The following SPECC1 variants were observed in gnomAD, a reference collection of about 807,000 sequenced individuals.
SPECC1 encodes sperm antigen with calponin homology and coiled-coil domains 1.
SPECC1 carries 62 observed loss-of-function variants against 104.1 expected under a neutral mutation model. That is an observed-to-expected ratio of 0.60 (90% CI 0.49 to 0.74). The LOEUF (loss-of-function observed/expected upper bound fraction) is 0.74. Among genes scored for constraint, SPECC1 ranks in the 30% least tolerant of loss-of-function variants. SPECC1 has a pLI of 0.00. For missense variants in SPECC1, 1,306 were observed against 1,310.5 expected, an observed-to-expected ratio of 1.00 and a Z score of 0.05; for synonymous variants, 513 against 501.6, an observed-to-expected ratio of 1.02 and a Z score of -0.30.
intron 1 of SPECC1, among the ~76,000 whole-genome samples, chr17:20,026,397 A>G (rs2044601426): frequency 6.6e-6 from 1 of 152,144 alleles, no homozygotes; most frequent in African/African-American, 2.4e-5. Flanking sequence ...TACTCGCCCT[A>G]CAGTTCTATA....
chr17:20,024,417 G>C (rs1013670478), intron 1 of SPECC1, among the ~76,000 whole-genome samples: 5 of 152,084 alleles, frequency 3.3e-5, no homozygotes, highest in Non-Finnish European at 7.4e-5. Flanking sequence ...ATTTCAATTG[G>C]AGTTTTCAGT....
At chr17:20,161,548 G>C (rs1326645001) in intron 3 of SPECC1, among the ~76,000 whole-genome samples, 1 of 152,186 alleles carries the variant, frequency 6.6e-6, no homozygotes, top group East Asian at 1.9e-4. Context: ...CAGGTAGTAT[G>C]TTTAGATTTA....
At chr17:20,043,773 A>C (rs1036561706) in intron 1 of SPECC1, among the ~76,000 whole-genome samples, 1 of 152,216 alleles carries the variant, frequency 6.6e-6, no homozygotes, top group Non-Finnish European at 1.5e-5. Flanking sequence ...AATGCAAATA[A>C]ATTTCCAAGG....
chr17:20,310,934 C>A (rs1289978936), intron 14 of SPECC1, among the ~76,000 whole-genome samples: 1 of 151,938 alleles, frequency 6.6e-6, no homozygotes, highest in Non-Finnish European at 1.5e-5. Flanking sequence ...TCATGGAGGT[C>A]CTGCAAGGTG....
chr17:20,205,812 G>C lies in SPECC1; in HGVS notation c.1763G>C (p.Arg588Pro). ...GTTCAAGAAATGTTGAAAGTAGCCC[G>C]AGCAGAGAAAGATCTACTGGAACTG... Reference protein sequence around the residue: ...CEVQEMLKVARAEKDLLELSC... With the variant: ...CEVQEMLKVAPAEKDLLELSC... Residue 588 changes from arginine (R) to proline (P), a missense_variant, in exon 4 of 15, where the codon CGA becomes CCA. Transcript: ENST00000395527. 3 of 1,614,210 alleles carry C rather than the reference G, an allele frequency of 1.9e-6. No individual in the cohort carries two copies. The highest frequency in any genetic ancestry group is 1.1e-5 in the South Asian group (1 of 91,074).
In SPECC1 at chr17:20,174,315, TA is replaced by T; in HGVS notation, c.284-30014del. Among the ~76,000 whole-genome samples, 2 of 152,306 alleles carry T rather than the reference TA, an allele frequency of 1.3e-5. 1 individual carries two copies. Among genetic ancestry groups the T allele is most frequent in the Non-Finnish European group, 2.9e-5 (2 of 68,014 alleles). ...AATTACAATAAAGGTGATTTTTAAA[TA>T]AAATAAATTTTAAAAATTAAATTGA... On this transcript the variant is annotated intron_variant, in intron 3 of 14. Coordinates refer to ENST00000395527, the MANE Select transcript of SPECC1 (RefSeq NM_001243439.2).
Position 20,316,951 on chromosome 17 carries a change from C to A in SPECC1, c.*2886C>A. The A allele has an allele frequency of 4.6e-6, 1 of 216,358 alleles. No individual in the cohort carries two copies. The highest frequency in any genetic ancestry group is 9.3e-6 in the Non-Finnish European group (1 of 107,382). 13.4% of individuals were successfully genotyped at this position (216,358 alleles called of 1,614,324 possible). A position where few individuals can be genotyped will look rare whatever the true frequency, so the allele number is the denominator to read the frequency against. ...GCCAATGACTGTGGCCAAACTCCCC[C>A]ATTTTTGTCTGTATCCTGCTCTCTT... is the stretch of plus-strand genomic sequence containing the variant. On this transcript the variant is annotated 3_prime_UTR_variant, in exon 15 of 15. Coordinates refer to ENST00000395527, the MANE Select transcript of SPECC1 (RefSeq NM_001243439.2).
chr17:20,214,287 C>T (rs573062133), intron 4 of SPECC1, among the ~76,000 whole-genome samples: 4 of 152,260 alleles, frequency 2.6e-5, no homozygotes, highest in South Asian at 2.1e-4. Flanking sequence ...CTTGATAATG[C>T]CCTTTATGGC....
At chr17:20,191,478 G>T (rs1375175015) in intron 3 of SPECC1, among the ~76,000 whole-genome samples, 4 of 134,604 alleles carry the variant, frequency 3.0e-5, no homozygotes, top group East Asian at 2.4e-4. Context: ...GATGTATGAT[G>T]TGGAGCAGCT....
At chr17:20,282,295 C>T (rs112938519) in intron 12 of SPECC1, among the ~76,000 whole-genome samples, 1 of 152,196 alleles carries the variant, frequency 6.6e-6, no homozygotes, top group Admixed American at 6.5e-5. Context: ...GGGACACAGC[C>T]GTCCTCTCGC....
intron 3 of SPECC1, among the ~76,000 whole-genome samples, chr17:20,164,180 T>TC (rs907192893): frequency 1.3e-5 from 2 of 151,812 alleles, no homozygotes; most frequent in Non-Finnish European, 2.9e-5. Flanking sequence ...TTTTTTTTTT[T>TC]TTTTTTTTAA....
rs187178252 is a variant in SPECC1, at chr17:20,302,319, G to A, written c.3058-3704G>A. Reference sequence around the variant, plus strand: ...GCCTGCACCATCATCCCCCGACCAGGGCAGACTGAAGCAGTGATGGCGTCA... The same window carrying A: ...GCCTGCACCATCATCCCCCGACCAGAGCAGACTGAAGCAGTGATGGCGTCA... On this transcript the variant is annotated intron_variant, in intron 13 of 14. Coordinates refer to ENST00000395527, the MANE Select transcript of SPECC1 (RefSeq NM_001243439.2). Among the ~76,000 whole-genome samples, 1,008 of 152,268 alleles carry A rather than the reference G, an allele frequency of 6.6e-3. 17 individuals carry two copies. Among genetic ancestry groups the A allele is most frequent in the Non-Finnish European group, 4.0e-3 (271 of 68,020 alleles).
At chr17:20,290,059 C>T (rs1047673849) in intron 12 of SPECC1, among the ~76,000 whole-genome samples, 12 of 152,062 alleles carry the variant, frequency 7.9e-5, no homozygotes, top group African/African-American at 2.9e-4. Context: ...TGTGGTCTCA[C>T]TGCTGCAGTG....
At position 20,292,647 on chromosome 17, in the gene SPECC1, A is replaced by C. The variant is rs150574222; in HGVS notation, c.2941-4314A>C. Among the ~76,000 whole-genome samples the C allele has an allele frequency of 4.9e-3, 741 of 152,318 alleles. 1 individual carries two copies. Among genetic ancestry groups the C allele is most frequent in the Non-Finnish European group, 7.8e-3 (532 of 68,034 alleles). On this transcript the variant is annotated intron_variant, in intron 12 of 14. Coordinates refer to ENST00000395527, the MANE Select transcript of SPECC1 (RefSeq NM_001243439.2). Reference sequence around the variant, plus strand: ...GAAAGCATTTCCCCATTTCTAAAGCAGTGTCCAGGTTTCATCAGGTAGCTG... The same window carrying C: ...GAAAGCATTTCCCCATTTCTAAAGCCGTGTCCAGGTTTCATCAGGTAGCTG...
intron 4 of SPECC1, among the ~76,000 whole-genome samples, chr17:20,208,633 C>T (rs539451762): frequency 3.9e-5 from 6 of 152,346 alleles, no homozygotes; most frequent in Admixed American, 2.6e-4. Context: ...CTTGGGCAGG[C>T]CCCTTTACAT....
intron 12 of SPECC1, 70 bp from the exon 13 acceptor site, chr17:20,296,891 A>C (rs891832724): frequency 9.3e-6 from 13 of 1,401,752 alleles, no homozygotes; most frequent in Non-Finnish European, 1.3e-5. Context: ...ATCTTATCAC[A>C]ATCTTCCTCA....
intron 7 of SPECC1, among the ~76,000 whole-genome samples, chr17:20,241,263 T>G (rs546243102): frequency 6.6e-6 from 1 of 152,328 alleles, no homozygotes; most frequent in African/African-American, 2.4e-5. Flanking sequence ...CTGGATCTCT[T>G]TGCGTGCCCC....
Position 20,194,509 on chromosome 17 carries a change from T to TTTTTTTTTTTTTTTTTTTTA in SPECC1, c.284-9808_284-9807insTTTATTTTTTTTTTTTTTTT, listed in dbSNP as rs2035893171. Among the ~76,000 whole-genome samples, 2 of 123,186 alleles carry TTTTTTTTTTTTTTTTTTTTA rather than the reference T, an allele frequency of 1.6e-5. 1 individual carries two copies. Among genetic ancestry groups the TTTTTTTTTTTTTTTTTTTTA allele is most frequent in the Non-Finnish European group, 3.3e-5 (2 of 60,182 alleles). 80.8% of individuals were successfully genotyped at this position (123,186 alleles called of 152,430 possible). A position where few individuals can be genotyped will look rare whatever the true frequency, so the allele number is the denominator to read the frequency against. On this transcript the variant is annotated intron_variant, in intron 3 of 14. Coordinates refer to ENST00000395527, the MANE Select transcript of SPECC1 (RefSeq NM_001243439.2). ...TGTTAGAAAAGAGAACGAATTTTTT[T>TTTTTTTTTTTTTTTTTTTTA]TTTTTTTTTTTTTTTTGAGACAGAG... is the stretch of plus-strand genomic sequence containing the variant.
intron 12 of SPECC1, among the ~76,000 whole-genome samples, chr17:20,280,085 A>G (rs2040714607): frequency 6.6e-6 from 1 of 152,230 alleles, no homozygotes; most frequent in Non-Finnish European, 1.5e-5. Context: ...ACCTGTGTGC[A>G]GAGAGGTGCA....
Sources: gnomAD v4.1 joint callset for allele counts (sites outside exome capture counted in the v4.1 genomes callset) on GRCh38, gnomAD v4.1.1 for gene constraint, MANE v1.5 for transcripts, NCBI Gene and HGNC (gene_info 2026-07-23, HGNC 2026-07-21) for gene names.